Variants in PDE1C observed in about 807,000 individuals in gnomAD.
PDE1C encodes phosphodiesterase 1C, also known as dual specificity calcium/calmodulin-dependent 3',5'-cyclic nucleotide phosphodiesterase 1C.
PDE1C carries 62 observed loss-of-function variants against 93.1 expected under a neutral mutation model. The ratio of observed to expected loss-of-function variants is 0.67; its 90% CI spans 0.54 to 0.82. The LOEUF is 0.82. PDE1C is among the 40% of genes least tolerant of loss of function. The probability of loss-of-function intolerance (pLI) is 0.00; values close to 1 mark genes in which losing one functional copy is unlikely to be tolerated. For missense variants in PDE1C, 742 were observed against 884.6 expected, an observed-to-expected ratio of 0.84 and a Z score of 2.04; for synonymous variants, 325 against 310.1, an observed-to-expected ratio of 1.05 and a Z score of -0.50.
chr7:32,196,654 A>C (rs530717261), intron 2 of PDE1C, among the ~76,000 whole-genome samples: 6 of 152,304 alleles, frequency 3.9e-5, no homozygotes, highest in African/African-American at 1.2e-4. Flanking sequence ...GAAGGCTTTT[A>C]AGAGGGAGAA....
At chr7:31,947,443 A>T (rs968245163) in intron 2 of PDE1C, among the ~76,000 whole-genome samples, 1 of 150,754 alleles carries the variant, frequency 6.6e-6, no homozygotes, top group Non-Finnish European at 1.5e-5. Flanking sequence ...CTGAGTCATG[A>T]TTTATCTCTA....
intron 3 of PDE1C, among the ~76,000 whole-genome samples, chr7:32,085,097 G>A (rs906439283): frequency 4.1e-5 from 6 of 147,908 alleles, no homozygotes; most frequent in African/African-American, 1.5e-4. Flanking sequence ...AAAATTGATA[G>A]ACCGCTAGCA....
intron 2 of PDE1C, among the ~76,000 whole-genome samples, chr7:32,050,338 A>T (rs1225936742): frequency 1.3e-5 from 2 of 152,180 alleles, no homozygotes; most frequent in African/African-American, 4.8e-5. Context: ...ACTTTGATGG[A>T]GAGTCATAGC....
At chr7:32,167,176 T>G (rs1391134144) in intron 3 of PDE1C, among the ~76,000 whole-genome samples, 1 of 152,244 alleles carries the variant, frequency 6.6e-6, no homozygotes, top group Admixed American at 6.5e-5. Flanking sequence ...GAATTTAGCT[T>G]TAGAGCAGAC....
At chr7:32,056,693 A>T (rs1277180905) in intron 1 of PDE1C, among the ~76,000 whole-genome samples, 1 of 152,200 alleles carries the variant, frequency 6.6e-6, no homozygotes, top group Non-Finnish European at 1.5e-5. Flanking sequence ...CAGCTACTGT[A>T]CTAAAAACAG....
intron 1 of PDE1C, among the ~76,000 whole-genome samples, chr7:32,384,994 A>T (rs914265331): frequency 5.3e-5 from 8 of 152,174 alleles, no homozygotes; most frequent in Admixed American, 3.3e-4. Context: ...GGAGGCGGGG[A>T]TACTAGTTGG....
At chr7:31,740,306 T>C in the PDE1C span, among the ~76,000 whole-genome samples, 1 of 152,194 alleles carries the variant, frequency 6.6e-6, no homozygotes, top group Admixed American at 6.5e-5. Flanking sequence ...TTATAACTAA[T>C]GTTTCTTTTT....
At chr7:32,166,268 G>C (rs1332015665) in intron 3 of PDE1C, among the ~76,000 whole-genome samples, 27 of 152,244 alleles carry the variant, frequency 1.8e-4, no homozygotes. Flanking sequence ...AATAGAGTTG[G>C]AACTGAAACC....
chr7:32,128,954 A>ATATATATATATATATAT (rs58719690), intron 3 of PDE1C, among the ~76,000 whole-genome samples: 1 of 79,046 alleles, frequency 1.3e-5, no homozygotes, highest in African/African-American at 6.4e-5. Flanking sequence ...TATATATATA[A>ATATATATATATATATAT]AGAAAAATCT....
rs115908733 is a variant in PDE1C at position 31,898,861 on chromosome 7, G to C, written c.129-18001C>G. Among the ~76,000 whole-genome samples, 1,272 of 152,088 alleles carry C rather than the reference G, an allele frequency of 8.4e-3. 21 individuals are homozygous for C. Among genetic ancestry groups the C allele is most frequent in the African/African-American group, 0.029 (1,193 of 41,476 alleles). ...TTTTTGTCTCATTTTTGTAATCCTT[G>C]GATTTTCAATGGAAATTTTGGAAAG... On this transcript the variant is annotated intron_variant, in intron 2 of 17. Coordinates refer to ENST00000396191, the MANE Select transcript of PDE1C (RefSeq NM_001191057.4).
At chr7:31,763,658 T>C (rs1384528747) in intron 17 of PDE1C, among the ~76,000 whole-genome samples, 2 of 152,260 alleles carry the variant, frequency 1.3e-5, no homozygotes, top group South Asian at 2.1e-4. Context: ...GCAGTACCCA[T>C]GTGCCATTGC....
chr7:32,039,751 T>A (rs905043505), intron 2 of PDE1C, among the ~76,000 whole-genome samples: 12 of 152,230 alleles, frequency 7.9e-5, no homozygotes, highest in Admixed American at 2.6e-4. Flanking sequence ...CTGAAATCAC[T>A]ATTATAATTT....
chr7:32,083,477 C>T (rs1349705287), intron 3 of PDE1C, among the ~76,000 whole-genome samples: 8 of 152,120 alleles, frequency 5.3e-5, no homozygotes, highest in Admixed American at 2.0e-4. Flanking sequence ...CAGGCCAACA[C>T]TCAGATTCAG....
chr7:31,737,258 T>C, the PDE1C span, among the ~76,000 whole-genome samples: 1 of 152,056 alleles, frequency 6.6e-6, no homozygotes, highest in East Asian at 1.9e-4. Context: ...GCATTACAGG[T>C]GTGAGCCACC....
chr7:32,170,885 C>A (rs900470249), intron 2 of PDE1C, among the ~76,000 whole-genome samples: 1 of 152,170 alleles, frequency 6.6e-6, no homozygotes, highest in Non-Finnish European at 1.5e-5. Flanking sequence ...TTTCTCACCC[C>A]TGACCACTCT....
chr7:31,677,882 AAC>A, the PDE1C span, among the ~76,000 whole-genome samples: 1 of 152,130 alleles, frequency 6.6e-6, no homozygotes, highest in Admixed American at 6.5e-5. Flanking sequence ...ATATGTGGGA[AAC>A]ACAAAGAATC....
At chr7:32,364,386 C>G (rs532548762) in intron 1 of PDE1C, among the ~76,000 whole-genome samples, 1 of 152,120 alleles carries the variant, frequency 6.6e-6, no homozygotes, top group Non-Finnish European at 1.5e-5. Flanking sequence ...CTAGAGTGTA[C>G]CTGTGGTAAC....
At chr7:31,798,038 T>C (rs1486302620) in intron 16 of PDE1C, among the ~76,000 whole-genome samples, 1 of 148,920 alleles carries the variant, frequency 6.7e-6, no homozygotes, top group African/African-American at 2.5e-5. Context: ...TACCTTAAGA[T>C]CACAATTCAT....
chr7:31,617,638 C>G, the PDE1C span, among the ~76,000 whole-genome samples: 6 of 64,334 alleles, frequency 9.3e-5, no homozygotes, highest in African/African-American at 3.0e-4. Context: ...TGATTTAATG[C>G]TCCATCTTTT....
Sources: gnomAD v4.1 joint callset for allele counts (sites outside exome capture counted in the v4.1 genomes callset) on GRCh38, gnomAD v4.1.1 for gene constraint, MANE v1.5 for transcripts, NCBI Gene and HGNC (gene_info 2026-07-23, HGNC 2026-07-21) for gene names.